MSRA: variants seen among roughly 807,000 people sequenced by gnomAD.
MSRA encodes methionine sulfoxide reductase A, also known as mitochondrial peptide methionine sulfoxide reductase.
A neutral mutation model predicts 31.3 loss-of-function variants in MSRA; 54 were observed. The ratio of observed to expected loss-of-function variants is 1.73; its 90% CI spans 1.39 to 2.17. The LOEUF (loss-of-function observed/expected upper bound fraction) is 2.17, where lower values mean the gene tolerates loss of function less well. MSRA is among the 30% of genes most tolerant of loss of function. The pLI, the probability that MSRA is intolerant of heterozygous loss-of-function variation, is 0.00. For synonymous variants in MSRA, 169 were observed against 116.5 expected, an observed-to-expected ratio of 1.45 and a Z score of -2.90; for missense variants, 507 against 300.9, an observed-to-expected ratio of 1.69 and a Z score of -5.07.
At chr8:10,214,802 C>A (rs1809846622) in intron 2 of MSRA, among the ~76,000 whole-genome samples, 1 of 152,170 alleles carries the variant, frequency 6.6e-6, no homozygotes, top group Non-Finnish European at 1.5e-5. Context: ...GGGCAATGGT[C>A]ATTGGAGACA....
chr8:10,124,373 C>T (rs886232578), intron 1 of MSRA, among the ~76,000 whole-genome samples: 2 of 152,164 alleles, frequency 1.3e-5, no homozygotes, highest in Admixed American at 6.5e-5. Context: ...TGGTTTTCCC[C>T]TGTATGATTT....
intron 3 of MSRA, among the ~76,000 whole-genome samples, chr8:10,249,259 T>C (rs1318810362): frequency 6.6e-6 from 1 of 152,218 alleles, no homozygotes; most frequent in African/African-American, 2.4e-5. Flanking sequence ...CTAATTCTTA[T>C]TTAGAATTCA....
At chr8:10,179,244 G>C (rs527290703) in intron 1 of MSRA, among the ~76,000 whole-genome samples, 1 of 152,266 alleles carries the variant, frequency 6.6e-6, no homozygotes, top group South Asian at 2.1e-4. Flanking sequence ...AAATTACCCA[G>C]TTTTTTGAAG....
chr8:10,192,845 C>T (rs1261336953), intron 1 of MSRA, among the ~76,000 whole-genome samples: 1 of 146,232 alleles, frequency 6.8e-6, no homozygotes, highest in Non-Finnish European at 1.5e-5. Context: ...GCAAGTTTAC[C>T]ACCGTTTATA....
intron 3 of MSRA, among the ~76,000 whole-genome samples, chr8:10,272,763 T>C (rs766221170): frequency 2.6e-5 from 4 of 152,248 alleles, no homozygotes; most frequent in Non-Finnish European, 5.9e-5. Context: ...TATTCTACGC[T>C]GTACATTTCT....
intron 3 of MSRA, among the ~76,000 whole-genome samples, chr8:10,249,789 C>T (rs1455182030): frequency 1.3e-5 from 2 of 152,132 alleles, no homozygotes; most frequent in African/African-American, 2.4e-5. Context: ...CTGTTTTGTA[C>T]CTAAAATGAT....
intron 2 of MSRA, among the ~76,000 whole-genome samples, chr8:10,231,837 A>G (rs944449743): frequency 2.6e-5 from 4 of 152,218 alleles, no homozygotes; most frequent in East Asian, 1.9e-4. Flanking sequence ...TGGGAGGCAG[A>G]GGTTGCAGTG....
rs114566064 is a variant in MSRA at position 10,229,931 on chromosome 8, C to T, written c.212-15173C>T. Reference sequence around the variant, plus strand: ...CATATAATCAGTGAATTTCCACTTTCGAAGCCTCAATGGATGGGCTGAATT... The same window carrying T: ...CATATAATCAGTGAATTTCCACTTTTGAAGCCTCAATGGATGGGCTGAATT... On this transcript the variant is annotated intron_variant, in intron 2 of 5. Coordinates refer to ENST00000317173, the MANE Select transcript of MSRA (RefSeq NM_012331.5). Among the ~76,000 whole-genome samples the T allele has an allele frequency of 2.4e-3, 359 of 152,312 alleles. 2 individuals are homozygous for T. The highest frequency in any genetic ancestry group is 6.4e-3 in the African/African-American group (265 of 41,566).
intron 3 of MSRA, among the ~76,000 whole-genome samples, chr8:10,290,851 C>T (rs951460643): frequency 6.6e-6 from 1 of 152,110 alleles, no homozygotes; most frequent in Non-Finnish European, 1.5e-5. Context: ...GCAGGGATAC[C>T]ATGGTCCCTG....
rs532818938 is a variant in MSRA at position 10,271,656 on chromosome 8, C to CT, written c.331+26437dup. On this transcript the variant is annotated intron_variant, in intron 3 of 5. Transcript: ENST00000317173. ...ATTTGCATTACAAAGGGCACTGTTT[C>CT]TTTTATAAAATAGTTTGCTGTAGAA... Among the ~76,000 whole-genome samples the CT allele has an allele frequency of 2.0e-4, 31 of 151,318 alleles. 1 individual carries two copies. The South Asian group carries it at 6.1e-3, about 30-fold the overall frequency.
chr8:10,103,371 T>G (rs1407320020), intron 1 of MSRA, among the ~76,000 whole-genome samples: 1 of 152,214 alleles, frequency 6.6e-6, no homozygotes, highest in Non-Finnish European at 1.5e-5. Context: ...AATAATATAT[T>G]GTCAGGGTTC....
intron 4 of MSRA, among the ~76,000 whole-genome samples, chr8:10,315,424 T>C (rs925520204): frequency 6.6e-5 from 10 of 152,322 alleles, no homozygotes; most frequent in Non-Finnish European, 1.5e-4. Context: ...TTCTTGACAT[T>C]AGTGGTGGTG....
intron 1 of MSRA, among the ~76,000 whole-genome samples, chr8:10,098,734 T>G (rs952371554): frequency 2.0e-5 from 3 of 152,342 alleles, no homozygotes; most frequent in Admixed American, 6.5e-5. Flanking sequence ...TTTTGGTTGT[T>G]ACATTTTATT....
At chr8:10,346,056 C>T (rs1309147879) in intron 5 of MSRA, among the ~76,000 whole-genome samples, 1 of 152,118 alleles carries the variant, frequency 6.6e-6, no homozygotes, top group African/African-American at 2.4e-5. Flanking sequence ...TTTATGTGTA[C>T]ATGTTTGTGA....
At chr8:10,099,328 C>A (rs945765216) in intron 1 of MSRA, among the ~76,000 whole-genome samples, 4 of 152,326 alleles carry the variant, frequency 2.6e-5, no homozygotes, top group Middle Eastern at 3.4e-3. Context: ...TGGGTATACA[C>A]TGCTGAGGTC....
At chr8:10,372,952 G>C (rs772798369) in intron 5 of MSRA, among the ~76,000 whole-genome samples, 22 of 152,196 alleles carry the variant, frequency 1.4e-4, no homozygotes, top group Non-Finnish European at 2.8e-4. Context: ...GCAGTGCTGC[G>C]ATCTCGGCCC....
chr8:10,251,871 G>C (rs1399675713), intron 3 of MSRA, among the ~76,000 whole-genome samples: 2 of 151,932 alleles, frequency 1.3e-5, no homozygotes, highest in African/African-American at 4.8e-5. Context: ...TGGGGGGGGG[G>C]GGACATAGGT....
At chr8:10,408,454 A>G (rs1208408144) in intron 5 of MSRA, among the ~76,000 whole-genome samples, 1 of 152,118 alleles carries the variant, frequency 6.6e-6, no homozygotes, top group African/African-American at 2.4e-5. Flanking sequence ...AGGCAGAGGG[A>G]TCGCTGGAAC....
At chr8:10,059,883 C>G (rs958784258) in intron 1 of MSRA, among the ~76,000 whole-genome samples, 24 of 152,196 alleles carry the variant, frequency 1.6e-4, no homozygotes, top group African/African-American at 5.8e-4. Context: ...AAAAGATGCT[C>G]AACTTCACTT....
Sources: gnomAD v4.1 joint callset for allele counts (sites outside exome capture counted in the v4.1 genomes callset) on GRCh38, gnomAD v4.1.1 for gene constraint, MANE v1.5 for transcripts, NCBI Gene and HGNC (gene_info 2026-07-23, HGNC 2026-07-21) for gene names.